The following RGS6 variants were observed in gnomAD, a reference collection of about 807,000 sequenced individuals.
RGS6 encodes regulator of G protein signaling 6, also known as regulator of G-protein signaling 6.
A neutral mutation model predicts 78.5 loss-of-function variants in RGS6; 30 were observed. That is an observed-to-expected ratio of 0.38 (90% CI 0.29 to 0.52). The LOEUF (loss-of-function observed/expected upper bound fraction) is 0.52. Ranked by LOEUF, RGS6 falls within the 20% of genes least tolerant of loss-of-function variation. RGS6 has a pLI of 0.85. For synonymous variants in RGS6, 206 were observed against 206.0 expected, an observed-to-expected ratio of 1.00 and a Z score of 0.00; for missense variants, 495 against 609.7, an observed-to-expected ratio of 0.81 and a Z score of 1.98.
intron 2 of RGS6, among the ~76,000 whole-genome samples, chr14:72,143,436 C>T (rs1567301254): frequency 6.6e-6 from 1 of 151,978 alleles, no homozygotes; most frequent in Admixed American, 6.6e-5. Flanking sequence ...CTCCATTTAC[C>T]TTTTATTTGT....
intron 2 of RGS6, among the ~76,000 whole-genome samples, chr14:72,121,062 G>C (rs1171140645): frequency 6.6e-6 from 1 of 152,142 alleles, no homozygotes; most frequent in African/African-American, 2.4e-5. Context: ...AGGATTCCTG[G>C]TCCAGCTCTT....
intron 12 of RGS6, among the ~76,000 whole-genome samples, chr14:72,481,768 A>G (rs1405330128): frequency 6.6e-6 from 1 of 151,796 alleles, no homozygotes; most frequent in African/African-American, 2.4e-5. Flanking sequence ...AGTGTCTCAG[A>G]TAAATGACAC....
At chr14:71,978,199 C>T (rs11623271) in intron 2 of RGS6, among the ~76,000 whole-genome samples, 55,144 of 125,084 alleles carry the variant, frequency 0.44, 13,295 homozygotes, top group East Asian at 0.57. Flanking sequence ...ACAATCATGT[C>T]GTCTGCAAAC....
intron 2 of RGS6, among the ~76,000 whole-genome samples, chr14:72,189,368 G>A (rs1171060820): frequency 6.6e-6 from 1 of 152,152 alleles, no homozygotes; most frequent in African/African-American, 2.4e-5. Flanking sequence ...TATGCCTCAT[G>A]AAGTTTATAG....
chr14:71,871,171 G>T, the RGS6 span, among the ~76,000 whole-genome samples: 1 of 152,078 alleles, frequency 6.6e-6, no homozygotes. Flanking sequence ...CTGCTATTTG[G>T]GGGGTGAGGA....
chr14:72,202,248 C>T (rs529615799), intron 2 of RGS6, among the ~76,000 whole-genome samples: 5 of 152,240 alleles, frequency 3.3e-5, no homozygotes, highest in South Asian at 2.1e-4. Flanking sequence ...TTCTCCAAAT[C>T]GCTGAGACCA....
intron 2 of RGS6, among the ~76,000 whole-genome samples, chr14:72,060,389 G>A (rs1436259711): frequency 1.1e-5 from 1 of 94,828 alleles, no homozygotes; most frequent in Non-Finnish European, 2.2e-5. Flanking sequence ...TTTTTTTGCT[G>A]TGGTTCATAT....
At chr14:72,416,771 G>A (rs533650574) in intron 3 of RGS6, among the ~76,000 whole-genome samples, 1 of 152,346 alleles carries the variant, frequency 6.6e-6, no homozygotes, top group East Asian at 1.9e-4. Flanking sequence ...GTGGTTAAGA[G>A]TATGAGCATT....
chr14:71,905,214 G>A, the RGS6 span, among the ~76,000 whole-genome samples: 1 of 152,132 alleles, frequency 6.6e-6, no homozygotes, highest in Admixed American at 6.6e-5. Flanking sequence ...AGAGCTACAC[G>A]GACTTCTCAT....
At chr14:72,381,252 CTAAT>C (rs922862036) in intron 3 of RGS6, among the ~76,000 whole-genome samples, 21 of 151,832 alleles carry the variant, frequency 1.4e-4, no homozygotes, top group Non-Finnish European at 1.8e-4. Flanking sequence ...TAGAATAACT[CTAAT>C]TAACAATAAT....
intron 2 of RGS6, among the ~76,000 whole-genome samples, chr14:72,115,678 C>A (rs2095870230): frequency 6.6e-6 from 1 of 152,190 alleles, no homozygotes; most frequent in South Asian, 2.1e-4. Context: ...TCAAAGGCAC[C>A]AATGCAAAAG....
intron 2 of RGS6, among the ~76,000 whole-genome samples, chr14:72,127,289 G>C (rs2096218263): frequency 2.6e-5 from 4 of 152,168 alleles, no homozygotes; most frequent in Admixed American, 2.6e-4. Flanking sequence ...TACTGAAAAA[G>C]TATGAATTGT....
rs571571451 is a variant in RGS6 at position 71,934,140 on chromosome 14, A to G, written c.-21+1199A>G. 3.9e-4 allele frequency among the ~76,000 whole-genome samples: 60 copies of G among 152,308 alleles called. 1 individual carries two copies. The highest frequency in any genetic ancestry group is 1.4e-3 in the African/African-American group (57 of 41,574). ...TGGGTGGGACTACTCTGTGAAGGAA[A>G]GTAGAGGGCTGAGGGACATTTGGTG... On this transcript the variant is annotated intron_variant, in intron 1 of 17. Transcript: ENST00000553525.
intron 8 of RGS6, among the ~76,000 whole-genome samples, chr14:72,470,657 A>G (rs1285821638): frequency 6.6e-6 from 1 of 151,794 alleles, no homozygotes; most frequent in Non-Finnish European, 1.5e-5. Flanking sequence ...GTGGGGGTGG[A>G]TCACCTGAGG....
chr14:72,484,321 G>T (rs2096446684), intron 12 of RGS6, among the ~76,000 whole-genome samples: 1 of 152,144 alleles, frequency 6.6e-6, no homozygotes, highest in Non-Finnish European at 1.5e-5. Context: ...TTGTTTGTTT[G>T]TTTGTTTTCC....
intron 2 of RGS6, among the ~76,000 whole-genome samples, chr14:72,315,684 T>A (rs1488388156): frequency 6.6e-6 from 1 of 152,208 alleles, no homozygotes; most frequent in Non-Finnish European, 1.5e-5. Flanking sequence ...ATTAGGTAAT[T>A]TTATAAGCAT....
At chr14:72,429,192 ACT>A (rs1178596112) in intron 3 of RGS6, among the ~76,000 whole-genome samples, 7 of 152,080 alleles carry the variant, frequency 4.6e-5, no homozygotes, top group African/African-American at 1.7e-4. Context: ...GCAGAGCAAG[ACT>A]CTGTCTCAGA....
chr14:72,445,767 G>T (rs894693399), intron 3 of RGS6, among the ~76,000 whole-genome samples: 2 of 152,178 alleles, frequency 1.3e-5, no homozygotes, highest in Non-Finnish European at 2.9e-5. Context: ...AACTAACAGG[G>T]TCCCTGCTCT....
At chr14:72,411,763 G>A (rs2093429632) in intron 3 of RGS6, among the ~76,000 whole-genome samples, 2 of 152,200 alleles carry the variant, frequency 1.3e-5, no homozygotes, top group Non-Finnish European at 2.9e-5. Flanking sequence ...TTTATTGAAA[G>A]TTTTTAGCAT....
Sources: gnomAD v4.1 joint callset for allele counts (sites outside exome capture counted in the v4.1 genomes callset) on GRCh38, gnomAD v4.1.1 for gene constraint, MANE v1.5 for transcripts, NCBI Gene and HGNC (gene_info 2026-07-23, HGNC 2026-07-21) for gene names.